Variants in CASP6 observed in about 807,000 individuals in gnomAD.
CASP6 encodes caspase-6.
CASP6 carries 20 observed loss-of-function variants against 31.8 expected under a neutral mutation model. That is an observed-to-expected ratio of 0.63 (90% confidence interval 0.44 to 0.91). CASP6 has a LOEUF of 0.91. Among genes scored for constraint, CASP6 ranks in the 40% least tolerant of loss-of-function variants. CASP6 has a pLI of 0.00. For missense variants in CASP6, 328 were observed against 361.1 expected (o/e 0.91, Z 0.74); for synonymous variants, 130 against 127.8 (o/e 1.02, Z -0.12).
At chr4:109,665,255 G>A in the CASP6 span, among the ~76,000 whole-genome samples, 85 of 152,248 alleles carry the variant, frequency 5.6e-4, 1 homozygote, top group African/African-American at 2.0e-3. Context: ...TTTCTTAAAT[G>A]TATATGTAGC....
chr4:109,709,175 G>A, the CASP6 span, among the ~76,000 whole-genome samples: 1 of 152,300 alleles, frequency 6.6e-6, no homozygotes, highest in African/African-American at 2.4e-5. Flanking sequence ...CCAAGCTGTG[G>A]TCTATGAACC....
At chr4:109,665,486 C>T in the CASP6 span, among the ~76,000 whole-genome samples, 1 of 152,070 alleles carries the variant, frequency 6.6e-6, no homozygotes, top group Non-Finnish European at 1.5e-5. Context: ...GCCAGGCAAA[C>T]TCTACCAAAC....
downstream of CASP6, chr4:109,684,642 G>C (rs201083400): frequency 7.1e-6 from 10 of 1,409,064 alleles, no homozygotes; most frequent in South Asian, 1.1e-4. Flanking sequence ...ATAGTCACTC[G>C]ACAGGTGAGT....
At chr4:109,684,943 A>G, downstream of CASP6, 1 of 389,498 alleles carries the variant, frequency 2.6e-6, no homozygotes. Context: ...CAAAACATTC[A>G]GTAACATCAG....
chr4:109,704,666 G>T (rs1051783088), upstream of CASP6, among the ~76,000 whole-genome samples: 31 of 152,218 alleles, frequency 2.0e-4, no homozygotes, highest in African/African-American at 7.2e-4. Flanking sequence ...GCTGCATCAG[G>T]TTATCCAGAT....
At chr4:109,696,526 T>C in intron 3 of CASP6, 40 bp from the exon 4 acceptor site, 1 of 1,354,662 alleles carries the variant, frequency 7.4e-7, no homozygotes, top group Non-Finnish European at 1.0e-6. Context: ...TATAAACTTT[T>C]CAAAGTTGTC....
At chr4:109,691,571 T>C (rs2237055) in intron 5 of CASP6, among the ~76,000 whole-genome samples, 44,434 of 151,674 alleles carry the variant, frequency 0.29, 6,841 homozygotes, top group African/African-American at 0.4. Context: ...AGAATTTACA[T>C]TAAATTTAGA....
chr4:109,681,511 G>A, the CASP6 span: 3 of 448,712 alleles, frequency 6.7e-6, no homozygotes, highest in East Asian at 7.1e-5. Flanking sequence ...GGCAAGCCTC[G>A]TGTTCTCTGA....
At chr4:109,682,998 A>C in the CASP6 span, 1 of 322,130 alleles carries the variant, frequency 3.1e-6, no homozygotes. Flanking sequence ...GCCATCTTAA[A>C]CTCTATGCCA....
chr4:109,686,699 C>T (rs771158231), downstream of CASP6, among the ~76,000 whole-genome samples: 5 of 152,098 alleles, frequency 3.3e-5, no homozygotes, highest in East Asian at 1.9e-4. Context: ...CATAGTGAGA[C>T]CTCATCTCTA....
At chr4:109,683,992 A>C (rs922424033), downstream of CASP6, among the ~76,000 whole-genome samples, 25 of 152,172 alleles carry the variant, frequency 1.6e-4, no homozygotes, top group Non-Finnish European at 2.5e-4. Flanking sequence ...TGTATGTTTC[A>C]TAAATTGTTT....
chr4:109,690,465 T>C (rs546911328), intron 6 of CASP6, among the ~76,000 whole-genome samples: 1 of 151,586 alleles, frequency 6.6e-6, no homozygotes, highest in African/African-American at 2.4e-5. Flanking sequence ...GAGGCTGCAG[T>C]GAGCCATGAT....
At chr4:109,689,834 A>T (rs1207168024) in intron 6 of CASP6, among the ~76,000 whole-genome samples, 3 of 152,164 alleles carry the variant, frequency 2.0e-5, no homozygotes, top group African/African-American at 4.8e-5. Context: ...TGATTGAGAC[A>T]TGAGATTACT....
chr4:109,675,660 AGT>A, the CASP6 span, among the ~76,000 whole-genome samples: 3 of 152,138 alleles, frequency 2.0e-5, no homozygotes, highest in Non-Finnish European at 4.4e-5. Flanking sequence ...CTTGATCCCC[AGT>A]GTTGTGGTGT....
At chr4:109,703,732 G>A (rs994227407), upstream of CASP6, 3 of 462,570 alleles carry the variant, frequency 6.5e-6, no homozygotes, top group Non-Finnish European at 1.2e-5. Flanking sequence ...CCTAGCCCGA[G>A]GCAATTTCAC....
At chr4:109,673,738 A>G in the CASP6 span, 2 of 518,444 alleles carry the variant, frequency 3.9e-6, no homozygotes, top group Non-Finnish European at 6.8e-6. Context: ...TTCACAAGGA[A>G]GACACATAAA....
the CASP6 span, among the ~76,000 whole-genome samples, chr4:109,679,676 G>GGGTCTGT: frequency 6.6e-6 from 1 of 152,162 alleles, no homozygotes; most frequent in African/African-American, 2.4e-5. Context: ...GTAAATTATG[G>GGGTCTGT]GGTCTGTGGT....
downstream of CASP6, among the ~76,000 whole-genome samples, chr4:109,687,335 G>A (rs1175407214): frequency 6.6e-6 from 1 of 151,992 alleles, no homozygotes; most frequent in Non-Finnish European, 1.5e-5. Flanking sequence ...CTCCTGCCTG[G>A]GTGACAGAAT....
chr4:109,687,685 A>T, downstream of CASP6: 1 of 746,130 alleles, frequency 1.3e-6, no homozygotes. Context: ...TTGATTGTTT[A>T]ATCTTTGTTA....
Sources: gnomAD v4.1 joint callset for allele counts (sites outside exome capture counted in the v4.1 genomes callset) on GRCh38, gnomAD v4.1.1 for gene constraint, MANE v1.5 for transcripts, NCBI Gene and HGNC (gene_info 2026-07-23, HGNC 2026-07-21) for gene names.